Variants in OSBP2 observed in about 807,000 individuals in gnomAD.
OSBP2 encodes oxysterol binding protein 2, also known as oxysterol-binding protein 2.
Under a neutral mutation model 96.0 loss-of-function variants are expected in OSBP2, and 66 were observed. The ratio of observed to expected loss-of-function variants is 0.69; its 90% CI spans 0.56 to 0.84. The LOEUF (loss-of-function observed/expected upper bound fraction) is 0.84. Ranked by LOEUF, OSBP2 falls within the 40% of genes least tolerant of loss-of-function variation. The probability of loss-of-function intolerance (pLI) is 0.00; values close to 1 mark genes in which losing one functional copy is unlikely to be tolerated. For synonymous variants in OSBP2, 525 were observed against 520.9 expected, an observed-to-expected ratio of 1.01 and a Z score of -0.11; for missense variants, 1,038 against 1,222.7, an observed-to-expected ratio of 0.85 and a Z score of 2.25.
chr22:30,707,342 C>T (rs28451796), intron 1 of OSBP2, among the ~76,000 whole-genome samples: 3 of 152,202 alleles, frequency 2.0e-5, no homozygotes, highest in African/African-American at 7.2e-5. Flanking sequence ...AGTGATCCAC[C>T]CACCTTGACC....
chr22:30,874,559 G>A (rs998992405), intron 3 of OSBP2, among the ~76,000 whole-genome samples: 3 of 152,174 alleles, frequency 2.0e-5, no homozygotes, highest in Admixed American at 6.5e-5. Flanking sequence ...ATTCCCGAGA[G>A]CCCAGGACCC....
At chr22:30,818,424 A>G (rs1333810630) in intron 2 of OSBP2, among the ~76,000 whole-genome samples, 7 of 152,192 alleles carry the variant, frequency 4.6e-5, no homozygotes. Context: ...TTTTTGCAAC[A>G]GATGGCACTG....
chr22:30,716,110 C>T (rs551746842), intron 1 of OSBP2, among the ~76,000 whole-genome samples: 26 of 151,118 alleles, frequency 1.7e-4, no homozygotes, highest in Admixed American at 1.6e-3. Context: ...GGCATGGTCT[C>T]GGCTCACTGC....
chr22:30,751,873 G>A (rs1481648379), intron 2 of OSBP2, among the ~76,000 whole-genome samples: 4 of 152,184 alleles, frequency 2.6e-5, no homozygotes, highest in Non-Finnish European at 4.4e-5. Context: ...AGCAGCCCCC[G>A]AGGGATTCAC....
At chr22:30,835,796 A>G (rs1206538851) in intron 2 of OSBP2, among the ~76,000 whole-genome samples, 3 of 148,806 alleles carry the variant, frequency 2.0e-5, no homozygotes, top group Admixed American at 6.8e-5. Context: ...GGCTCATTGC[A>G]GCCTCGACCT....
At chr22:30,714,405 C>A (rs1330683694) in intron 1 of OSBP2, among the ~76,000 whole-genome samples, 1 of 149,634 alleles carries the variant, frequency 6.7e-6, no homozygotes, top group African/African-American at 2.5e-5. Flanking sequence ...GATTTTTTTT[C>A]TTGTGTTTTT....
intron 2 of OSBP2, among the ~76,000 whole-genome samples, chr22:30,754,714 C>T (rs895125832): frequency 8.5e-5 from 13 of 152,196 alleles, no homozygotes; most frequent in Admixed American, 8.5e-4. Flanking sequence ...CCGGCCTCAT[C>T]TTGGGGTCTC....
intron 2 of OSBP2, among the ~76,000 whole-genome samples, chr22:30,743,065 A>T (rs1398292382): frequency 6.6e-6 from 1 of 152,224 alleles, no homozygotes; most frequent in Non-Finnish European, 1.5e-5. Flanking sequence ...TTCTGAAGTC[A>T]TTAGTGGAAT....
At position 30,697,082 on chromosome 22, in the gene OSBP2, A is replaced by G. The variant is rs998481685; in HGVS notation, c.644+1529A>G. The stretch of plus-strand genomic sequence containing the variant: ...AACACCAACATCTGGACCTGTCCCA[A>G]ATGTGTCCTGATACCCACTCACCTT... On this transcript the variant is annotated intron_variant, in intron 1 of 13. Transcript: ENST00000332585. Among the ~76,000 whole-genome samples, 25 of 152,124 alleles carry G rather than the reference A, an allele frequency of 1.6e-4. 4 individuals are homozygous for G. The highest frequency in any genetic ancestry group is 1.5e-3 in the Admixed American group (23 of 15,268).
At chr22:30,762,153 C>A (rs2090212262) in intron 2 of OSBP2, among the ~76,000 whole-genome samples, 1 of 151,838 alleles carries the variant, frequency 6.6e-6, no homozygotes, top group Admixed American at 6.6e-5. Flanking sequence ...ACCTGGGAAG[C>A]AGAGGTTTCA....
chr22:30,834,837 A>G (rs1437934361), intron 2 of OSBP2, among the ~76,000 whole-genome samples: 1 of 145,360 alleles, frequency 6.9e-6, no homozygotes, highest in Non-Finnish European at 1.5e-5. Flanking sequence ...CTTTTTTGAG[A>G]TGGAGTCTCG....
At chr22:30,815,528 G>C (rs1425770490) in intron 2 of OSBP2, among the ~76,000 whole-genome samples, 2 of 152,120 alleles carry the variant, frequency 1.3e-5, no homozygotes, top group Non-Finnish European at 2.9e-5. Context: ...AGACTGCATG[G>C]TGTGATAGAG....
chr22:30,832,752 T>C (rs2038553611), intron 2 of OSBP2, among the ~76,000 whole-genome samples: 1 of 152,168 alleles, frequency 6.6e-6, no homozygotes, highest in South Asian at 2.1e-4. Flanking sequence ...CTCCGAAACA[T>C]GCTGGCATTC....
At chr22:30,877,823 C>G (rs769470774) in intron 3 of OSBP2, among the ~76,000 whole-genome samples, 8 of 152,238 alleles carry the variant, frequency 5.3e-5, no homozygotes, top group Non-Finnish European at 1.0e-4. Flanking sequence ...TAGTTGGTCA[C>G]TCATGCTGGG....
At chr22:30,900,410 A>G (rs2040170695) in intron 12 of OSBP2, among the ~76,000 whole-genome samples, 1 of 152,216 alleles carries the variant, frequency 6.6e-6, no homozygotes, top group Non-Finnish European at 1.5e-5. Context: ...ACGGATAGAA[A>G]GTATTGTAAA....
intron 12 of OSBP2, chr22:30,902,840 A>C (rs1602449670): frequency 3.1e-6 from 1 of 322,764 alleles, no homozygotes. Context: ...AGCCTGGTGA[A>C]CCCCTGGGCC....
chr22:30,774,763 A>G (rs1244051426), intron 2 of OSBP2, among the ~76,000 whole-genome samples: 1 of 152,234 alleles, frequency 6.6e-6, no homozygotes, highest in Non-Finnish European at 1.5e-5. Flanking sequence ...ATTCCATGTC[A>G]ATGAGTATAC....
chr22:30,890,738 A>C lies in OSBP2; in HGVS notation c.1634A>C (p.Asn545Thr). 6.2e-7 allele frequency: 1 copy of C among 1,612,538 alleles called. No homozygotes were observed. Among genetic ancestry groups the C allele is most frequent in the African/African-American group, 1.3e-5 (1 of 75,050 alleles). The change falls in exon 8 of 14, where the codon AAT becomes ACT. Residue 545 changes from asparagine (N) to threonine (T), a missense_variant. Transcript: ENST00000332585. The surrounding 1 kb of genome is among the most constrained non-coding windows in gnomAD (Gnocchi z 4.4). ...CCTGTCCACCCACAGGTGAACTTCA[A>C]TGAGCCCCTGTCCATGCTCCAGCGG... ...LSRIPMPVNF[N>T]EPLSMLQRLT...
chr22:30,865,564 G>A (rs1393482667), intron 2 of OSBP2, among the ~76,000 whole-genome samples: 1 of 147,762 alleles, frequency 6.8e-6, no homozygotes, highest in African/African-American at 2.5e-5. Context: ...CCCAGGAGGT[G>A]GAGGTTGCAG....
Sources: gnomAD v4.1 joint callset for allele counts (sites outside exome capture counted in the v4.1 genomes callset) on GRCh38, gnomAD v4.1.1 for gene constraint, Gnocchi (gnomAD v3.1) non-coding constraint, MANE v1.5 for transcripts, NCBI Gene and HGNC (gene_info 2026-07-23, HGNC 2026-07-21) for gene names.